The following MEI4 variants were observed in gnomAD, a reference collection of about 807,000 sequenced individuals.
MEI4 encodes meiosis-specific protein MEI4.
A neutral mutation model predicts 31.4 loss-of-function variants in MEI4; 27 were observed. The ratio of observed to expected loss-of-function variants is 0.86; its 90% CI spans 0.63 to 1.19. The LOEUF is 1.19. Among genes scored for constraint, MEI4 ranks in the 50% most tolerant of loss-of-function variants. MEI4 has a pLI of 0.00. For missense variants in MEI4, 329 were observed against 398.9 expected (o/e 0.82, Z 1.49); for synonymous variants, 122 against 145.4 (o/e 0.84, Z 1.16).
chr6:77,740,813 G>GA (rs754725290), intron 2 of MEI4, among the ~76,000 whole-genome samples: 1 of 151,140 alleles, frequency 6.6e-6, no homozygotes, highest in Non-Finnish European at 1.5e-5. Flanking sequence ...TATATATTTT[G>GA]AAAAAAATAT....
At chr6:77,655,084 T>C (rs1469255210) in intron 1 of MEI4, among the ~76,000 whole-genome samples, 1 of 152,058 alleles carries the variant, frequency 6.6e-6, no homozygotes, top group Non-Finnish European at 1.5e-5. Flanking sequence ...GGCCCCGGTG[T>C]GTGATGTTCC....
chr6:77,655,877 G>A (rs1720819421), intron 1 of MEI4, among the ~76,000 whole-genome samples: 2 of 152,086 alleles, frequency 1.3e-5, no homozygotes, highest in South Asian at 2.1e-4. Context: ...TGGAAATATA[G>A]TAAAATATAT....
At chr6:77,741,687 T>A (rs1767407647) in intron 2 of MEI4, among the ~76,000 whole-genome samples, 1 of 151,788 alleles carries the variant, frequency 6.6e-6, no homozygotes, top group Non-Finnish European at 1.5e-5. Flanking sequence ...GTTACATATG[T>A]ACACATGTGC....
intron 1 of MEI4, among the ~76,000 whole-genome samples, chr6:77,666,805 A>T (rs1224062318): frequency 6.6e-6 from 1 of 152,112 alleles, no homozygotes; most frequent in Non-Finnish European, 1.5e-5. Context: ...TAGAAAGAAA[A>T]CACAACTCCT....
chr6:77,745,116 A>C (rs1767556738), intron 2 of MEI4, among the ~76,000 whole-genome samples: 1 of 152,186 alleles, frequency 6.6e-6, no homozygotes, highest in Non-Finnish European at 1.5e-5. Context: ...TTCACACATA[A>C]CAATATTAAC....
At chr6:77,740,524 A>G (rs1477895319) in intron 2 of MEI4, among the ~76,000 whole-genome samples, 1 of 152,156 alleles carries the variant, frequency 6.6e-6, no homozygotes, top group East Asian at 1.9e-4. Context: ...AATTGCTTTA[A>G]ACTGAAACAC....
At chr6:77,668,917 C>T (rs1356179790) in intron 1 of MEI4, among the ~76,000 whole-genome samples, 1 of 152,132 alleles carries the variant, frequency 6.6e-6, no homozygotes, top group Non-Finnish European at 1.5e-5. Context: ...TCATTCAAGT[C>T]CATTCCTGAA....
intron 4 of MEI4, among the ~76,000 whole-genome samples, chr6:77,840,373 G>A (rs189382799): frequency 1.3e-5 from 2 of 152,078 alleles, no homozygotes; most frequent in African/African-American, 4.8e-5. Context: ...ATACCAAAAG[G>A]TATAGCATAT....
intron 2 of MEI4, among the ~76,000 whole-genome samples, chr6:77,755,112 C>G (rs1351417449): frequency 6.6e-6 from 1 of 151,942 alleles, no homozygotes; most frequent in Non-Finnish European, 1.5e-5. Context: ...GGAAGGATCC[C>G]TTGAGAGCAG....
At chr6:77,667,628 A>T (rs1768663599) in intron 1 of MEI4, among the ~76,000 whole-genome samples, 1 of 152,132 alleles carries the variant, frequency 6.6e-6, no homozygotes, top group Admixed American at 6.5e-5. Context: ...AAGACCCCCA[A>T]ATGGCTATAG....
chr6:77,720,536 T>G (rs1766687723), intron 2 of MEI4, among the ~76,000 whole-genome samples: 1 of 139,808 alleles, frequency 7.2e-6, no homozygotes, highest in Non-Finnish European at 1.6e-5. Flanking sequence ...CATGAACATA[T>G]GATAATCTTC....
At chr6:77,729,462 G>T (rs12189812) in intron 2 of MEI4, among the ~76,000 whole-genome samples, 2 of 152,082 alleles carry the variant, frequency 1.3e-5, no homozygotes, top group Non-Finnish European at 2.9e-5. Context: ...TTTGGCATAG[G>T]ATGTGGGTTA....
chr6:77,892,172 G>A (rs148268816), intron 4 of MEI4, among the ~76,000 whole-genome samples: 54 of 152,238 alleles, frequency 3.5e-4, no homozygotes, highest in Non-Finnish European at 2.5e-4. Flanking sequence ...CATAGTGGGT[G>A]TGGTGGTGGT....
intron 2 of MEI4, among the ~76,000 whole-genome samples, chr6:77,746,282 T>C (rs569783117): frequency 3.1e-4 from 47 of 152,208 alleles, no homozygotes; most frequent in Non-Finnish European, 5.9e-4. Context: ...TGTGTGTCTT[T>C]AAATGTGTTT....
At chr6:77,888,802 A>G (rs144460532) in intron 4 of MEI4, among the ~76,000 whole-genome samples, 126 of 152,150 alleles carry the variant, frequency 8.3e-4, no homozygotes, top group Non-Finnish European at 1.5e-3. Flanking sequence ...CACAATCCCA[A>G]TGTGTTGTGG....
chr6:77,698,711 C>G (rs1766124154), intron 2 of MEI4, among the ~76,000 whole-genome samples: 1 of 152,160 alleles, frequency 6.6e-6, no homozygotes, highest in South Asian at 2.1e-4. Context: ...TTTTTTCCTT[C>G]ATTTCAACTT....
chr6:77,713,719 A>G (rs761590909), intron 2 of MEI4, among the ~76,000 whole-genome samples: 3 of 152,138 alleles, frequency 2.0e-5, no homozygotes, highest in Non-Finnish European at 4.4e-5. Context: ...CCGTTTCTGT[A>G]TTGTTATAAG....
intron 2 of MEI4, among the ~76,000 whole-genome samples, chr6:77,747,201 A>G (rs1454850005): frequency 6.6e-6 from 1 of 152,106 alleles, no homozygotes; most frequent in Non-Finnish European, 1.5e-5. Context: ...AATCCCAGCT[A>G]CTAGGGAGGT....
intron 2 of MEI4, among the ~76,000 whole-genome samples, chr6:77,709,604 T>C (rs2127659383): frequency 6.6e-6 from 1 of 152,342 alleles, no homozygotes; most frequent in South Asian, 2.1e-4. Context: ...CTTGAACTTT[T>C]CTAACTTATT....
Sources: gnomAD v4.1 joint callset for allele counts (sites outside exome capture counted in the v4.1 genomes callset) on GRCh38, gnomAD v4.1.1 for gene constraint, MANE v1.5 for transcripts, NCBI Gene and HGNC (gene_info 2026-07-23, HGNC 2026-07-21) for gene names.